DPY19L1: variants seen among roughly 807,000 people sequenced by gnomAD.
DPY19L1 encodes protein C-mannosyl-transferase DPY19L1.
A neutral mutation model predicts 96.9 loss-of-function variants in DPY19L1; 35 were observed. The observed-to-expected ratio is 0.36, with a 90% CI of 0.28 to 0.48. The LOEUF (loss-of-function observed/expected upper bound fraction) is 0.48. DPY19L1 is among the 20% of genes least tolerant of loss of function. The pLI is 0.99. For synonymous variants in DPY19L1, 205 were observed against 252.6 expected, an observed-to-expected ratio of 0.81 and a Z score of 1.79; for missense variants, 521 against 777.9, an observed-to-expected ratio of 0.67 and a Z score of 3.93.
intron 2 of DPY19L1, 55 bp from the exon 3 acceptor site, chr7:35,018,024 T>A: frequency 7.5e-7 from 1 of 1,336,126 alleles, no homozygotes; most frequent in Non-Finnish European, 1.0e-6. Flanking sequence ...AGTATTATTT[T>A]TTAAAGTAAG....
At chr7:35,031,541 T>C (rs2128683813) in intron 1 of DPY19L1, among the ~76,000 whole-genome samples, 1 of 152,310 alleles carries the variant, frequency 6.6e-6, no homozygotes, top group African/African-American at 2.4e-5. Flanking sequence ...GAGAAATTAA[T>C]ACAGCCTAAT....
chr7:35,011,564 C>G (rs763970767), intron 4 of DPY19L1, 114 bp from the exon 5 acceptor site: 47 of 993,682 alleles, frequency 4.7e-5, no homozygotes, highest in Non-Finnish European at 6.5e-5. Flanking sequence ...ATACCATCCA[C>G]TTGGCTCCCT....
chr7:34,973,798 G>T (rs1784777731), intron 7 of DPY19L1, among the ~76,000 whole-genome samples, 193 bp from the exon 8 acceptor site: 1 of 152,196 alleles, frequency 6.6e-6, no homozygotes, highest in East Asian at 1.9e-4. Flanking sequence ...GACACATGTG[G>T]CTTAAGATCA....
chr7:34,982,842 CTG>C (rs761778287), intron 7 of DPY19L1, among the ~76,000 whole-genome samples: 4 of 152,290 alleles, frequency 2.6e-5, no homozygotes, highest in Non-Finnish European at 5.9e-5. Context: ...AGTCAGAACT[CTG>C]TGAGATCACA....
intron 3 of DPY19L1, 75 bp from the exon 4 acceptor site, chr7:35,013,780 T>C: frequency 2.4e-6 from 3 of 1,238,794 alleles, no homozygotes; most frequent in Non-Finnish European, 2.2e-6. Context: ...AAATACACTG[T>C]TTTTGAAAAA....
intron 1 of DPY19L1, among the ~76,000 whole-genome samples, chr7:35,024,057 C>T (rs774010611): frequency 2.6e-5 from 4 of 151,914 alleles, no homozygotes; most frequent in African/African-American, 4.8e-5. Flanking sequence ...AGGATGGTAT[C>T]GATCTCCTGG....
At chr7:34,954,582 GT>G in intron 13 of DPY19L1, 115 bp downstream of exon 13, 2 of 578,604 alleles carry the variant, frequency 3.5e-6, no homozygotes, top group Non-Finnish European at 3.0e-6. Flanking sequence ...AAAATAATAG[GT>G]GAACAGACTT....
intron 1 of DPY19L1, among the ~76,000 whole-genome samples, chr7:35,031,538 T>C (rs1360287321): frequency 3.9e-5 from 6 of 152,148 alleles, no homozygotes; most frequent in Non-Finnish European, 5.9e-5. Context: ...TAAGAGAAAT[T>C]AATACAGCCT....
intron 10 of DPY19L1, 71 bp downstream of exon 10, chr7:34,966,823 T>C (rs1379646225): frequency 3.0e-5 from 40 of 1,331,370 alleles, no homozygotes; most frequent in South Asian, 2.9e-5. Context: ...GTTTCAACCA[T>C]GAACAAATAA....
intron 1 of DPY19L1, among the ~76,000 whole-genome samples, chr7:35,029,947 T>C (rs1338586568): frequency 6.6e-6 from 1 of 152,184 alleles, no homozygotes; most frequent in Non-Finnish European, 1.5e-5. Context: ...ATAATTACAT[T>C]GGGCCATTCA....
intron 7 of DPY19L1, among the ~76,000 whole-genome samples, chr7:34,981,677 G>A (rs191887766): frequency 2.0e-5 from 3 of 152,310 alleles, no homozygotes; most frequent in East Asian, 3.9e-4. Context: ...CTGGCTGGGC[G>A]TGGTGGCTCA....
Position 34,999,894 on chromosome 7 carries a change from C to T in DPY19L1, c.765-9953G>A, listed in dbSNP as rs371657560. On this transcript the variant is annotated intron_variant, in intron 6 of 21. Coordinates refer to ENST00000638088, the MANE Select transcript of DPY19L1 (RefSeq NM_001366673.1). ...TTTTACAGTCATAATAATGTAACTG[C>T]GGACTATGGTTTTACGTATCAGAAT... Among the ~76,000 whole-genome samples, 93 of 152,184 alleles carry T rather than the reference C, an allele frequency of 6.1e-4. 1 individual carries two copies. The South Asian group carries it at 0.015, about 25-fold the overall frequency.
intron 7 of DPY19L1, among the ~76,000 whole-genome samples, chr7:34,975,052 G>A (rs1784803964): frequency 6.6e-6 from 1 of 151,876 alleles, no homozygotes; most frequent in Admixed American, 6.6e-5. Context: ...CTCCCATCGG[G>A]CCTCCAAATT....
At chr7:35,035,654 C>T (rs78747980) in intron 1 of DPY19L1, among the ~76,000 whole-genome samples, 3,093 of 152,304 alleles carry the variant, frequency 0.02, 45 homozygotes, top group Middle Eastern at 0.088. Context: ...AAAGTATCTT[C>T]CCATGTATCA....
chr7:34,962,784 G>A (rs1397665217), intron 10 of DPY19L1, among the ~76,000 whole-genome samples: 1 of 152,182 alleles, frequency 6.6e-6, no homozygotes, highest in Non-Finnish European at 1.5e-5. Flanking sequence ...GATGTGTGAT[G>A]TAGGTTTATC....
chr7:35,019,760 C>T (rs1165355951), intron 1 of DPY19L1, among the ~76,000 whole-genome samples: 3 of 152,138 alleles, frequency 2.0e-5, no homozygotes, highest in African/African-American at 7.2e-5. Flanking sequence ...TTACAAATAT[C>T]TAACTTAGTT....
chr7:35,006,068 C>CA (rs1480519952), intron 6 of DPY19L1, among the ~76,000 whole-genome samples: 4 of 152,108 alleles, frequency 2.6e-5, no homozygotes, highest in African/African-American at 9.7e-5. Flanking sequence ...TTCAGCTAGT[C>CA]AGAGTATTTC....
chr7:34,988,154 G>GT (rs1349924547), intron 7 of DPY19L1: 2 of 152,040 alleles, frequency 1.3e-5, no homozygotes, highest in Non-Finnish European at 2.9e-5. Flanking sequence ...ATAAGAAAAC[G>GT]TAAGACGAAG....
chr7:34,949,163 ATATTT>A (rs771747681), intron 14 of DPY19L1, among the ~76,000 whole-genome samples: 3 of 152,184 alleles, frequency 2.0e-5, no homozygotes, highest in Non-Finnish European at 4.4e-5. Context: ...TTGCAAATTA[ATATTT>A]TATTTATTTA....
Sources: gnomAD v4.1 joint callset for allele counts (sites outside exome capture counted in the v4.1 genomes callset) on GRCh38, gnomAD v4.1.1 for gene constraint, MANE v1.5 for transcripts, NCBI Gene and HGNC (gene_info 2026-07-23, HGNC 2026-07-21) for gene names.